AFF3: variants seen among roughly 807,000 people sequenced by gnomAD.
AFF3 encodes AF4/FMR2 family member 3.
AFF3 carries 32 observed loss-of-function variants against 129.7 expected under a neutral mutation model. The observed-to-expected ratio is 0.25, with a 90% confidence interval of 0.19 to 0.33. AFF3 has a LOEUF of 0.33. AFF3 is among the 10% of genes least tolerant of loss of function. The pLI, the probability that AFF3 is intolerant of heterozygous loss-of-function variation, is 1.00. For missense variants in AFF3, 1,373 were observed against 1,592.0 expected (o/e 0.86, Z 2.34); for synonymous variants, 644 against 635.4 (o/e 1.01, Z -0.20).
At chr2:99,920,676 G>T (rs978727220) in intron 7 of AFF3, among the ~76,000 whole-genome samples, 5 of 151,816 alleles carry the variant, frequency 3.3e-5, no homozygotes, top group African/African-American at 1.2e-4. Flanking sequence ...ATTCAACATT[G>T]TATTGGAGGT....
At chr2:100,030,643 G>A (rs543836989) in intron 4 of AFF3, among the ~76,000 whole-genome samples, 1 of 152,266 alleles carries the variant, frequency 6.6e-6, no homozygotes, top group South Asian at 2.1e-4. Flanking sequence ...ACCATTGGTG[G>A]TATATCCATA....
At chr2:99,952,918 A>C (rs1258823799) in intron 7 of AFF3, among the ~76,000 whole-genome samples, 3 of 152,168 alleles carry the variant, frequency 2.0e-5, no homozygotes, top group Non-Finnish European at 4.4e-5. Context: ...CAGTTTCCTT[A>C]CCTGTAAAAT....
intron 11 of AFF3, among the ~76,000 whole-genome samples, chr2:99,715,763 C>T (rs1422289369): frequency 6.6e-6 from 1 of 151,932 alleles, no homozygotes; most frequent in African/African-American, 2.4e-5. Flanking sequence ...GCTCCGCCTC[C>T]CAGGTTCACG....
intron 10 of AFF3, among the ~76,000 whole-genome samples, chr2:99,734,940 A>T (rs1410047062): frequency 6.6e-6 from 1 of 152,060 alleles, no homozygotes; most frequent in Non-Finnish European, 1.5e-5. Flanking sequence ...GTAGGTTTGG[A>T]ATTACCTCTT....
At chr2:99,826,999 GGTGA>G (rs1404299667) in intron 8 of AFF3, among the ~76,000 whole-genome samples, 5 of 151,990 alleles carry the variant, frequency 3.3e-5, no homozygotes, top group Admixed American at 6.5e-5. Flanking sequence ...AACTGAACAT[GGTGA>G]GTGTGAGGGA....
rs530475851 is a variant in AFF3, at chr2:99,657,358, A to G, written c.1144-7692T>C. On this transcript the variant is annotated intron_variant, in intron 12 of 24. Transcript: ENST00000672756. Reference sequence around the variant, plus strand: ...CTCAAGCTCCTCTCCATGCACTCCTAGTCTGTAACATGAAGTAGCCCTGGA... The same window carrying G: ...CTCAAGCTCCTCTCCATGCACTCCTGGTCTGTAACATGAAGTAGCCCTGGA... 4.6e-5 allele frequency among the ~76,000 whole-genome samples: 7 copies of G among 152,270 alleles called. No individual in the cohort carries two copies. The East Asian group carries it at 1.4e-3, about 29-fold the overall frequency.
intron 4 of AFF3, among the ~76,000 whole-genome samples, chr2:100,045,308 G>A (rs1043820583): frequency 4.6e-5 from 7 of 152,120 alleles, no homozygotes; most frequent in Admixed American, 1.3e-4. Context: ...GTTCACCGGC[G>A]CTCTTTTCTT....
chr2:100,110,846 A>T (rs1375463835), intron 2 of AFF3, among the ~76,000 whole-genome samples: 1 of 152,234 alleles, frequency 6.6e-6, no homozygotes, highest in Non-Finnish European at 1.5e-5. Context: ...CCCAGCTGAC[A>T]TAACTGTATT....
At chr2:100,030,673 T>C (rs1483649249) in intron 4 of AFF3, among the ~76,000 whole-genome samples, 2 of 152,176 alleles carry the variant, frequency 1.3e-5, no homozygotes, top group Non-Finnish European at 2.9e-5. Context: ...TATTCAGCAA[T>C]GAAAAGAAAT....
chr2:100,010,322 T>C (rs1682404548), intron 4 of AFF3, among the ~76,000 whole-genome samples: 1 of 152,204 alleles, frequency 6.6e-6, no homozygotes. Flanking sequence ...ATCATGTAGC[T>C]GTAGGGGGAC....
intron 19 of AFF3, 125 bp from the exon 20 acceptor site, chr2:99,565,748 A>G: frequency 9.2e-7 from 1 of 1,089,178 alleles, no homozygotes; most frequent in South Asian, 1.7e-5. Context: ...TGAAGCTGAG[A>G]GAAGAAAGAA....
chr2:99,981,465 T>A (rs1362692786), intron 7 of AFF3, among the ~76,000 whole-genome samples: 1 of 152,248 alleles, frequency 6.6e-6, no homozygotes, highest in Admixed American at 6.5e-5. Context: ...AGTTAACAAC[T>A]ATTTAAACTT....
intron 8 of AFF3, among the ~76,000 whole-genome samples, chr2:99,753,520 C>T (rs1370213532): frequency 6.6e-6 from 1 of 152,086 alleles, no homozygotes; most frequent in Non-Finnish European, 1.5e-5. Context: ...TCCTTACCTC[C>T]CTTTGGCGGG....
At chr2:100,083,473 G>A (rs1277844802) in intron 4 of AFF3, among the ~76,000 whole-genome samples, 2 of 152,120 alleles carry the variant, frequency 1.3e-5, no homozygotes, top group Admixed American at 6.5e-5. Flanking sequence ...CACAATCACC[G>A]CACTTCTGCC....
intron 7 of AFF3, among the ~76,000 whole-genome samples, chr2:99,954,774 G>C (rs568869048): frequency 9.5e-6 from 1 of 104,748 alleles, no homozygotes; most frequent in African/African-American, 3.7e-5. Flanking sequence ...GTGGGGTGGG[G>C]GGAGGGGGGA....
intron 7 of AFF3, among the ~76,000 whole-genome samples, chr2:99,910,492 A>G (rs923066608): frequency 6.6e-6 from 1 of 152,252 alleles, no homozygotes; most frequent in Non-Finnish European, 1.5e-5. Context: ...AAAGGTATGC[A>G]TCAGAAACTT....
chr2:99,733,788 C>T (rs1283801421), intron 10 of AFF3, among the ~76,000 whole-genome samples: 1 of 152,172 alleles, frequency 6.6e-6, no homozygotes, highest in Non-Finnish European at 1.5e-5. Flanking sequence ...TCTACTCACT[C>T]ACTTTCATTG....
At chr2:100,062,309 G>T (rs934499458) in intron 4 of AFF3, among the ~76,000 whole-genome samples, 1 of 152,186 alleles carries the variant, frequency 6.6e-6, no homozygotes, top group East Asian at 1.9e-4. Flanking sequence ...ACCAGCTCAG[G>T]CTTCCAGAAG....
Position 100,008,838 on chromosome 2 carries a change from A to G in AFF3, c.148T>C (p.Tyr50His). 2 of 1,614,094 alleles carry G rather than the reference A, an allele frequency of 1.2e-6. No homozygotes were observed. The highest frequency in any genetic ancestry group is 1.7e-6 in the Non-Finnish European group (2 of 1,179,962). The change falls in exon 5 of 25, where the codon TAC becomes CAC. Residue 50 changes from tyrosine (Y) to histidine (H), a missense_variant. Physicochemically the swap from Tyr to His is moderately conservative, Grantham distance 83 (BLOSUM62 2). This residue lies in a region of AFF3 where 255 missense variants were observed against 256.0 expected (regional missense o/e 1.00). Transcript: ENST00000672756. ...TTGTAGGGCTCACTGAAGAGAGAGTAACTAGAATTAAACGTGCCATCATCC... is the reference window on the plus strand; with the variant it reads ...TTGTAGGGCTCACTGAAGAGAGAGTGACTAGAATTAAACGTGCCATCATCC... ...QQDDGTFNSS[Y>H]SLFSEPYKTN... is the part of the protein sequence containing the mutation.
Sources: allele counts gnomAD v4.1 joint callset (sites outside exome capture counted in the v4.1 genomes callset), GRCh38; gene constraint gnomAD v4.1.1; regional missense constraint gnomAD v4.1.1; transcripts MANE v1.5; gene names NCBI Gene and HGNC (gene_info 2026-07-23, HGNC 2026-07-21).